The following PI4KA variants were observed in gnomAD, a reference collection of about 807,000 sequenced individuals.
PI4KA encodes the protein PI4-kinase alpha.
PI4KA carries 122 observed loss-of-function variants against 271.4 expected under a neutral mutation model. That is an observed-to-expected ratio of 0.45 (90% CI 0.39 to 0.52). PI4KA has a LOEUF of 0.52. Among genes scored for constraint, PI4KA ranks in the 20% least tolerant of loss-of-function variants. PI4KA has a pLI of 0.00. For synonymous variants in PI4KA, 1,041 were observed against 1,078.8 expected (o/e 0.96, Z 0.69); for missense variants, 1,969 against 2,769.1 (o/e 0.71, Z 6.48).
Position 20,858,704 on chromosome 22 carries a change from CCCGG to C in PI4KA, c.18_21del (p.Arg7GlufsTer63). 6.8e-7 allele frequency: 1 copy of C among 1,462,004 alleles called. No individual in the cohort carries two copies. The highest frequency in any genetic ancestry group is 9.0e-7 in the Non-Finnish European group (1 of 1,111,750). 90.6% of individuals were successfully genotyped at this position (1,462,004 alleles called of 1,614,324 possible). ...CCGCCTCCGCCTCCGCCTCCGCCTC[CCCGG>C]GCCGGGGCCGCCGCCATCACCTCAC... On this transcript the variant is annotated frameshift_variant, in exon 1 of 55. Coordinates refer to ENST00000255882, the MANE Select transcript of PI4KA (RefSeq NM_058004.4). LOFTEE classifies it high-confidence loss of function.
At chr22:20,801,222 A>G (rs1412153350) in intron 14 of PI4KA, among the ~76,000 whole-genome samples, 4 of 151,856 alleles carry the variant, frequency 2.6e-5, no homozygotes, top group Non-Finnish European at 5.9e-5. Flanking sequence ...AAAAGAAAAG[A>G]AGTAACAAGA....
intron 20 of PI4KA, 91 bp downstream of exon 20, chr22:20,765,494 C>A: frequency 2.3e-6 from 2 of 882,078 alleles, no homozygotes; most frequent in South Asian, 1.4e-5. Flanking sequence ...CTCATTTAAA[C>A]ATGCTCACAT....
At position 20,805,992 on chromosome 22, in the gene PI4KA, C is replaced by T. The variant is rs192314062; in HGVS notation, c.1169-827G>A. On this transcript the variant is annotated intron_variant, in intron 10 of 54. Coordinates refer to ENST00000255882, the MANE Select transcript of PI4KA (RefSeq NM_058004.4). The stretch of plus-strand genomic sequence containing the variant: ...GGGCCTGGAAAATTCAGGAGAACCA[C>T]CATGATGCACGCACAAGTCAGCCCA... Among the ~76,000 whole-genome samples, 5 of 152,226 alleles carry T rather than the reference C, an allele frequency of 3.3e-5. No homozygotes were observed. In the East Asian group the frequency reaches 9.7e-4, roughly 29 times the overall value.
chr22:20,817,734 C>CAAAAA (rs361731), intron 7 of PI4KA, among the ~76,000 whole-genome samples: 1 of 13,972 alleles, frequency 7.2e-5, no homozygotes, highest in Non-Finnish European at 1.3e-4. Flanking sequence ...ACTCTCTCTC[C>CAAAAA]AAAAAAAAAA....
intron 19 of PI4KA, among the ~76,000 whole-genome samples, chr22:20,782,110 C>A (rs955967464): frequency 2.0e-5 from 3 of 152,206 alleles, no homozygotes; most frequent in African/African-American, 7.2e-5. Flanking sequence ...CTGGCAGAAG[C>A]ATTTTTGGCA....
intron 7 of PI4KA, 68 bp downstream of exon 7, chr22:20,818,415 C>T (rs1040356812): frequency 2.1e-5 from 26 of 1,212,054 alleles, no homozygotes; most frequent in African/African-American, 1.4e-4. Context: ...CTTAATATCA[C>T]GAGAAGTCAC....
intron 23 of PI4KA, among the ~76,000 whole-genome samples, chr22:20,756,277 T>A (rs1398305013): frequency 1.3e-5 from 2 of 151,724 alleles, no homozygotes; most frequent in Admixed American, 6.6e-5. Flanking sequence ...AGTGGTGCGA[T>A]CTCAGCTCAC....
In PI4KA at chr22:20,739,831, G is replaced by A. The variant is rs563904928; in HGVS notation, c.3741+2397C>T. On this transcript the variant is annotated intron_variant, in intron 32 of 54. Transcript: ENST00000255882. ...TAATCCCAGCACTTTGGGAGGCTGA[G>A]GCAGGTGCATCACCTGCGGTCAGGA... Among the ~76,000 whole-genome samples the A allele has an allele frequency of 3.9e-5, 6 of 152,116 alleles. No individual in the cohort carries two copies. The South Asian group carries it at 1.2e-3, about 32-fold the overall frequency.
chr22:20,751,351 T>C lies in PI4KA; in HGVS notation c.3095A>G (p.Tyr1032Cys). ...SADIHKDQPY[Y>C]DIPDAPYRIT... ...CCGGTAGGGGGCGTCGGGGATGTCA[T>C]AGTAAGGCTGATCCTTGTGAATATC... is the stretch of plus-strand genomic sequence containing the variant. The change falls in exon 27 of 55, where the codon TAT (tyrosine) becomes TGT (cysteine). Residue 1032 changes from tyrosine to cysteine, a missense_variant. Coordinates refer to ENST00000255882, the MANE Select transcript of PI4KA (RefSeq NM_058004.4). The C allele has an allele frequency of 6.2e-7, 1 of 1,613,960 alleles. No homozygotes were observed. Among genetic ancestry groups the C allele is most frequent in the Non-Finnish European group, 8.5e-7 (1 of 1,179,956 alleles).
At chr22:20,818,351 C>A in intron 7 of PI4KA, 132 bp downstream of exon 7, 1 of 553,154 alleles carries the variant, frequency 1.8e-6, no homozygotes, top group South Asian at 3.0e-5. Context: ...TAAATGCTTC[C>A]TAAAAGCTTG....
intron 19 of PI4KA, among the ~76,000 whole-genome samples, chr22:20,772,990 T>A (rs1323424652): frequency 6.6e-6 from 1 of 151,988 alleles, no homozygotes; most frequent in Non-Finnish European, 1.5e-5. Context: ...CTTGCAGGGC[T>A]GAGGTGAGGA....
chr22:20,848,045 C>T (rs1273775137), intron 1 of PI4KA, among the ~76,000 whole-genome samples: 1 of 152,048 alleles, frequency 6.6e-6, no homozygotes, highest in Non-Finnish European at 1.5e-5. Flanking sequence ...CGAGACCAGC[C>T]TGGCCAACAT....
intron 1 of PI4KA, among the ~76,000 whole-genome samples, chr22:20,855,614 A>T (rs1257985538): frequency 6.6e-6 from 1 of 152,238 alleles, no homozygotes; most frequent in Non-Finnish European, 1.5e-5. Context: ...ACCCATGCAC[A>T]GGCTTCCTTA....
Position 20,815,074 on chromosome 22 carries a change from T to C in PI4KA, c.857-1568A>G, listed in dbSNP as rs117391336. On this transcript the variant is annotated intron_variant, in intron 7 of 54. Coordinates refer to ENST00000255882, the MANE Select transcript of PI4KA (RefSeq NM_058004.4). ...CATATAATTGTTTGAAAATCCATTA[T>C]TTAGAAACTATAATAGAAAACTATG... Among the ~76,000 whole-genome samples, 893 of 152,058 alleles carry C rather than the reference T, an allele frequency of 5.9e-3. 8 individuals carry two copies. Among genetic ancestry groups the C allele is most frequent in the East Asian group, 0.055 (284 of 5,168 alleles).
intron 32 of PI4KA, among the ~76,000 whole-genome samples, chr22:20,738,546 G>A (rs968467488): frequency 6.6e-6 from 1 of 152,132 alleles, no homozygotes; most frequent in Non-Finnish European, 1.5e-5. Context: ...TCATCTCCTG[G>A]GCACTATGGG....
chr22:20,763,751 CACTT>C (rs1932239869), intron 22 of PI4KA, among the ~76,000 whole-genome samples: 2 of 152,202 alleles, frequency 1.3e-5, no homozygotes. Context: ...AAATAAAAGA[CACTT>C]ACAATGAAAA....
Position 20,734,470 on chromosome 22 carries a change from G to A in PI4KA, c.3825C>T (p.Asp1275=). 1 of 1,613,542 alleles carries A rather than the reference G, an allele frequency of 6.2e-7. No homozygotes were observed. Among genetic ancestry groups the A allele is most frequent in the African/African-American group, 1.3e-5 (1 of 74,866 alleles). The change falls in exon 33 of 55, where the codon GAC becomes GAT. Residue 1275 remains aspartate (D), a synonymous_variant. Transcript: ENST00000255882. Reference sequence around the variant, plus strand: ...GACTTGCTTCCGAGGCAGCCAGGGGGTCTGCTTCCTTTATCTCAGCAGAAA... The same window carrying A: ...GACTTGCTTCCGAGGCAGCCAGGGGATCTGCTTCCTTTATCTCAGCAGAAA... ...GLFSAEIKEA[D]PLAASEASQP...
In PI4KA at chr22:20,723,241, C is replaced by T. The variant is rs184334014; in HGVS notation, c.4996-1823G>A. On this transcript the variant is annotated intron_variant, in intron 42 of 54. Transcript: ENST00000255882. ...TTCACCGTGTTAGCCAGGATGGTCTCGATCTCCTGACCTCGTGATCCACCC... is the reference window on the plus strand; with the variant it reads ...TTCACCGTGTTAGCCAGGATGGTCTTGATCTCCTGACCTCGTGATCCACCC... Among the ~76,000 whole-genome samples, 852 of 151,750 alleles carry T rather than the reference C, an allele frequency of 5.6e-3. 5 individuals carry two copies. The highest frequency in any genetic ancestry group is 0.019 in the African/African-American group (787 of 41,412).
intron 19 of PI4KA, chr22:20,784,253 A>T (rs1934029701): frequency 1.9e-6 from 3 of 1,614,042 alleles, no homozygotes; most frequent in Non-Finnish European, 2.5e-6. Flanking sequence ...CAGGTATTTC[A>T]CACTGTGTGT....
Sources: gnomAD v4.1 joint callset for allele counts (sites outside exome capture counted in the v4.1 genomes callset) on GRCh38, gnomAD v4.1.1 for gene constraint, MANE v1.5 for transcripts, NCBI Gene and HGNC (gene_info 2026-07-23, HGNC 2026-07-21) for gene names.